MYO10: variants seen among roughly 807,000 people sequenced by gnomAD.
The protein encoded by MYO10 is myosin X.
A neutral mutation model predicts 257.3 loss-of-function variants in MYO10; 133 were observed. The ratio of observed to expected loss-of-function variants is 0.52; its 90% confidence interval spans 0.45 to 0.60. The LOEUF is 0.60. Ranked by LOEUF, MYO10 falls within the 20% of genes least tolerant of loss-of-function variation. The pLI is 0.00. For missense variants in MYO10, 2,399 were observed against 2,635.7 expected, an observed-to-expected ratio of 0.91 and a Z score of 1.97; for synonymous variants, 1,104 against 1,028.6, an observed-to-expected ratio of 1.07 and a Z score of -1.40.
intron 1 of MYO10, chr5:16,902,667 C>T: frequency 8.7e-7 from 1 of 1,153,110 alleles, no homozygotes; most frequent in Non-Finnish European, 1.3e-6. Context: ...CGGAGAGAGG[C>T]CCGGCTAATT....
chr5:16,887,454 TG>T (rs1196594125), intron 1 of MYO10, among the ~76,000 whole-genome samples: 3 of 152,214 alleles, frequency 2.0e-5, no homozygotes, highest in Non-Finnish European at 4.4e-5. Flanking sequence ...CCCATAGTTA[TG>T]GGTTCCAACT....
At chr5:16,730,672 AAGAC>A (rs1332452317) in intron 19 of MYO10, among the ~76,000 whole-genome samples, 1 of 152,204 alleles carries the variant, frequency 6.6e-6, no homozygotes, top group African/African-American at 2.4e-5. Context: ...GCCAGAAACA[AAGAC>A]AGAATACAGA....
In MYO10 at chr5:16,936,028, CTCT is replaced by C; in HGVS notation, c.-223_-221del. On this transcript the variant is annotated 5_prime_UTR_variant, in exon 1 of 41. Transcript: ENST00000513610. Reference sequence around the variant, plus strand: ...CGCCCGTCCCGACGGCAGCCTTTGTCTCTTCTTCCTCCAAGTTCCTCACTACTG... The same window carrying C: ...CGCCCGTCCCGACGGCAGCCTTTGTCTCTTCCTCCAAGTTCCTCACTACTG... The C allele has an allele frequency of 1.7e-6, 1 of 593,924 alleles. No individual in the cohort carries two copies. Among genetic ancestry groups the C allele is most frequent in the Non-Finnish European group, 3.0e-6 (1 of 333,282 alleles). 36.8% of individuals were successfully genotyped at this position (593,924 alleles called of 1,614,324 possible).
chr5:16,776,238 A>C (rs1741208207), intron 9 of MYO10, among the ~76,000 whole-genome samples: 1 of 152,046 alleles, frequency 6.6e-6, no homozygotes, highest in Non-Finnish European at 1.5e-5. Context: ...GGAGAAGAAA[A>C]TCTTATTGTA....
At chr5:16,695,099 C>T (rs1290343966) in intron 26 of MYO10, among the ~76,000 whole-genome samples, 9 of 152,034 alleles carry the variant, frequency 5.9e-5, no homozygotes, top group Admixed American at 5.2e-4. Flanking sequence ...TTTGGGAGGC[C>T]GAGGCGGGTG....
chr5:16,821,795 C>T (rs1310111835), intron 2 of MYO10, among the ~76,000 whole-genome samples: 4 of 151,862 alleles, frequency 2.6e-5, no homozygotes, highest in Admixed American at 1.3e-4. Flanking sequence ...GAGCACATTA[C>T]GCATGCCCAT....
rs562427456 is a variant in MYO10 at position 16,887,624 on chromosome 5, G to A, written c.22-9917C>T. ...TCCTACCTCAGCCTCCCAAGTAGCTGGGGCTACAGGTGCGCACCACCACAC... is the reference window on the plus strand; with the variant it reads ...TCCTACCTCAGCCTCCCAAGTAGCTAGGGCTACAGGTGCGCACCACCACAC... On this transcript the variant is annotated intron_variant, in intron 1 of 40. Coordinates refer to ENST00000513610, the MANE Select transcript of MYO10 (RefSeq NM_012334.3). 2.6e-5 allele frequency among the ~76,000 whole-genome samples: 4 copies of A among 152,196 alleles called. No individual in the cohort carries two copies. The South Asian group carries it at 6.2e-4, about 24-fold the overall frequency.
intron 1 of MYO10, among the ~76,000 whole-genome samples, chr5:16,919,713 A>G (rs1051271392): frequency 2.6e-5 from 4 of 152,172 alleles, no homozygotes; most frequent in Non-Finnish European, 5.9e-5. Context: ...GCAGTGGTTC[A>G]CGCCTGTAAT....
intron 2 of MYO10, among the ~76,000 whole-genome samples, chr5:16,861,499 G>A (rs943022299): frequency 6.6e-6 from 1 of 152,132 alleles, no homozygotes; most frequent in Non-Finnish European, 1.5e-5. Flanking sequence ...TTGAACCCAG[G>A]AGGCGGAGGT....
At chr5:16,670,376 C>T (rs530684418) in intron 39 of MYO10, 150 bp downstream of exon 39, 22 of 614,754 alleles carry the variant, frequency 3.6e-5, no homozygotes, top group Admixed American at 2.7e-4. Context: ...AGAAGGGAGG[C>T]GTTAATGGTA....
chr5:16,728,304 CG>C (rs1739451372), intron 19 of MYO10, among the ~76,000 whole-genome samples: 1 of 152,162 alleles, frequency 6.6e-6, no homozygotes, highest in Non-Finnish European at 1.5e-5. Context: ...CCTCCTTCTG[CG>C]GGCTGCCCTC....
At chr5:16,717,348 C>T (rs1738917987) in intron 19 of MYO10, among the ~76,000 whole-genome samples, 1 of 152,178 alleles carries the variant, frequency 6.6e-6, no homozygotes, top group African/African-American at 2.4e-5. Context: ...GGAACCTAGG[C>T]AGAGAATGTG....
intron 4 of MYO10, among the ~76,000 whole-genome samples, chr5:16,785,130 C>T (rs952643108): frequency 7.2e-5 from 11 of 152,284 alleles, no homozygotes; most frequent in Non-Finnish European, 1.5e-4. Flanking sequence ...CCAGCCGGGG[C>T]GGGGGCTGAA....
At chr5:16,684,425 G>A (rs1737149107) in intron 29 of MYO10, among the ~76,000 whole-genome samples, 1 of 152,160 alleles carries the variant, frequency 6.6e-6, no homozygotes, top group Admixed American at 6.5e-5. Flanking sequence ...TGTTTTAGTA[G>A]AGATGGGGTC....
intron 1 of MYO10, among the ~76,000 whole-genome samples, chr5:16,933,376 G>A (rs563338325): frequency 6.6e-6 from 1 of 152,168 alleles, no homozygotes; most frequent in Non-Finnish European, 1.5e-5. Flanking sequence ...TAGCAGTTGC[G>A]AATCACAAGC....
chr5:16,814,650 G>A (rs1465228280), intron 3 of MYO10: 1 of 152,214 alleles, frequency 6.6e-6, no homozygotes, highest in African/African-American at 2.4e-5. Flanking sequence ...TGTGAGCGGA[G>A]TCCAACAGAC....
chr5:16,888,116 C>T (rs1744943849), intron 1 of MYO10, among the ~76,000 whole-genome samples: 2 of 152,214 alleles, frequency 1.3e-5, no homozygotes, highest in African/African-American at 4.8e-5. Context: ...GTTCCACCCA[C>T]TCACCCATTC....
chr5:16,691,163 G>A (rs909535151), intron 27 of MYO10, among the ~76,000 whole-genome samples: 10 of 151,682 alleles, frequency 6.6e-5, no homozygotes, highest in Admixed American at 2.0e-4. Flanking sequence ...CCAGCTACTC[G>A]GGAGGATGAA....
At chr5:16,798,662 T>C (rs1742035185) in intron 3 of MYO10, among the ~76,000 whole-genome samples, 1 of 152,162 alleles carries the variant, frequency 6.6e-6, no homozygotes, top group Non-Finnish European at 1.5e-5. Context: ...GCCATGTTTG[T>C]TTTCTACCTT....
Sources: allele counts gnomAD v4.1 joint callset (sites outside exome capture counted in the v4.1 genomes callset), GRCh38; gene constraint gnomAD v4.1.1; transcripts MANE v1.5; gene names NCBI Gene and HGNC (gene_info 2026-07-23, HGNC 2026-07-21).